RABGAP1L: variants seen among roughly 807,000 people sequenced by gnomAD.
RABGAP1L encodes the protein rab GTPase-activating protein 1-like.
In RABGAP1L, 63 loss-of-function variants were observed where a neutral mutation model predicts 137.7. That is an observed-to-expected ratio of 0.46 (90% confidence interval 0.37 to 0.56). The LOEUF (loss-of-function observed/expected upper bound fraction) is 0.56. Among genes scored for constraint, RABGAP1L ranks in the 20% least tolerant of loss-of-function variants. RABGAP1L has a pLI of 0.00. For missense variants in RABGAP1L, 1,095 were observed against 1,244.0 expected, an observed-to-expected ratio of 0.88 and a Z score of 1.80; for synonymous variants, 431 against 433.7, an observed-to-expected ratio of 0.99 and a Z score of 0.08.
chr1:174,856,101 A>G (rs995095977), intron 19 of RABGAP1L, among the ~76,000 whole-genome samples: 15 of 152,350 alleles, frequency 9.8e-5, no homozygotes, highest in Admixed American at 7.2e-4. Context: ...TTGGCCAGTT[A>G]AAATGGAAAG....
At chr1:174,488,740 G>A (rs1659919819) in intron 13 of RABGAP1L, among the ~76,000 whole-genome samples, 1 of 151,338 alleles carries the variant, frequency 6.6e-6, no homozygotes, top group African/African-American at 2.4e-5. Flanking sequence ...CTCTGAGTGT[G>A]TATTTTCAAA....
chr1:174,383,042 C>T (rs1239380521), intron 12 of RABGAP1L, among the ~76,000 whole-genome samples: 27 of 151,086 alleles, frequency 1.8e-4, no homozygotes, highest in Admixed American at 1.8e-3. Flanking sequence ...TGTTGGAATA[C>T]CCTGCGATGT....
In RABGAP1L at chr1:174,682,107, C is replaced by G. The variant is rs1390770855; in HGVS notation, c.1825-1415C>G. ...ACCAGCCTGGCCAACATGGTGAAAC[C>G]CTGTCTCTACTAAAACTATGAAAAT... On this transcript the variant is annotated intron_variant, in intron 14 of 25. Coordinates refer to ENST00000681986, the MANE Select transcript of RABGAP1L (RefSeq NM_001366446.1). Among the ~76,000 whole-genome samples the G allele has an allele frequency of 3.3e-5, 5 of 152,038 alleles. No individual in the cohort carries two copies. The South Asian group carries it at 8.3e-4, about 25-fold the overall frequency.
chr1:174,880,152 T>C (rs968192951), intron 19 of RABGAP1L, among the ~76,000 whole-genome samples: 2 of 152,174 alleles, frequency 1.3e-5, no homozygotes, highest in Admixed American at 1.3e-4. Context: ...GCTTTCCTTG[T>C]ATAATATACA....
intron 1 of RABGAP1L, among the ~76,000 whole-genome samples, chr1:174,170,825 G>A (rs1665313641): frequency 6.6e-6 from 1 of 152,062 alleles, no homozygotes. Flanking sequence ...GGATAGTTAT[G>A]AGAATCAAAA....
chr1:174,718,214 A>G (rs925347365), intron 17 of RABGAP1L, among the ~76,000 whole-genome samples: 2 of 152,026 alleles, frequency 1.3e-5, no homozygotes, highest in East Asian at 1.9e-4. Flanking sequence ...TGGTTATTCA[A>G]TCTCACCTAA....
chr1:174,315,468 T>C (rs903144586), intron 11 of RABGAP1L, among the ~76,000 whole-genome samples: 1 of 152,196 alleles, frequency 6.6e-6, no homozygotes, highest in Non-Finnish European at 1.5e-5. Flanking sequence ...TGTCTTTTGA[T>C]TGGAGAGTTT....
At chr1:174,401,537 T>A (rs761575726) in intron 13 of RABGAP1L, among the ~76,000 whole-genome samples, 2 of 152,188 alleles carry the variant, frequency 1.3e-5, no homozygotes, top group Non-Finnish European at 2.9e-5. Context: ...CTGTGGGCTC[T>A]TGAGGTCCGT....
intron 9 of RABGAP1L, 25 bp downstream of exon 9, chr1:174,275,960 A>G: frequency 6.4e-7 from 1 of 1,563,728 alleles, no homozygotes; most frequent in Non-Finnish European, 8.8e-7. Flanking sequence ...AAGATCCCTT[A>G]TTGTTTGCTT....
chr1:174,338,354 G>A (rs191140631), intron 11 of RABGAP1L, among the ~76,000 whole-genome samples: 1 of 152,192 alleles, frequency 6.6e-6, no homozygotes, highest in East Asian at 1.9e-4. Flanking sequence ...AGCATTCAAC[G>A]AAAGTATCTT....
intron 10 of RABGAP1L, among the ~76,000 whole-genome samples, chr1:174,291,116 A>G (rs1287804390): frequency 6.6e-6 from 1 of 152,150 alleles, no homozygotes; most frequent in African/African-American, 2.4e-5. Flanking sequence ...CAATAAAGGT[A>G]GTTTTCTATC....
chr1:174,475,772 TAAAAAAAAA>T (rs61597461), intron 13 of RABGAP1L, among the ~76,000 whole-genome samples: 1 of 69,930 alleles, frequency 1.4e-5, no homozygotes, highest in Non-Finnish European at 2.6e-5. Context: ...CCCCGTGTCT[TAAAAAAAAA>T]AAAAAAAAAA....
chr1:174,864,938 C>G (rs1650940698), intron 19 of RABGAP1L, among the ~76,000 whole-genome samples: 1 of 152,080 alleles, frequency 6.6e-6, no homozygotes, highest in Admixed American at 6.6e-5. Flanking sequence ...ACAACATTGC[C>G]AAACCCTGTC....
intron 14 of RABGAP1L, among the ~76,000 whole-genome samples, chr1:174,649,270 T>G (rs1321149196): frequency 6.6e-6 from 1 of 152,160 alleles, no homozygotes; most frequent in Non-Finnish European, 1.5e-5. Context: ...TTTTGCCCAT[T>G]AGTTAATGCA....
chr1:174,369,626 A>G (rs1684934748), intron 11 of RABGAP1L, among the ~76,000 whole-genome samples: 1 of 152,202 alleles, frequency 6.6e-6, no homozygotes, highest in African/African-American at 2.4e-5. Flanking sequence ...GTTTCTATTT[A>G]TATCATTCAG....
intron 18 of RABGAP1L, among the ~76,000 whole-genome samples, chr1:174,766,737 T>C (rs1355795954): frequency 6.6e-6 from 1 of 152,210 alleles, no homozygotes; most frequent in Non-Finnish European, 1.5e-5. Context: ...GACCATTCTT[T>C]TACCTCAGTC....
intron 13 of RABGAP1L, among the ~76,000 whole-genome samples, chr1:174,621,862 TTAAAC>T (rs1354665097): frequency 6.6e-6 from 1 of 152,288 alleles, no homozygotes; most frequent in Middle Eastern, 3.4e-3. Flanking sequence ...TGGGATCTAA[TTAAAC>T]TAAAGAGCTT....
At chr1:174,297,070 A>G (rs1677192960) in intron 10 of RABGAP1L, among the ~76,000 whole-genome samples, 1 of 152,250 alleles carries the variant, frequency 6.6e-6, no homozygotes, top group African/African-American at 2.4e-5. Flanking sequence ...TTTAGGTGCT[A>G]CTACTTATTT....
chr1:174,550,535 ATT>A (rs1666351509), intron 13 of RABGAP1L, among the ~76,000 whole-genome samples: 1 of 152,152 alleles, frequency 6.6e-6, no homozygotes, highest in Non-Finnish European at 1.5e-5. Flanking sequence ...ATACTGACTC[ATT>A]ATTTGTCATT....
Sources: allele counts gnomAD v4.1 joint callset (sites outside exome capture counted in the v4.1 genomes callset), GRCh38; gene constraint gnomAD v4.1.1; transcripts MANE v1.5; gene names NCBI Gene and HGNC (gene_info 2026-07-23, HGNC 2026-07-21).